The following CDH2 variants were observed in gnomAD, a reference collection of about 807,000 sequenced individuals.
CDH2 encodes the protein cadherin-2.
Under a neutral mutation model 92.0 loss-of-function variants are expected in CDH2, and 17 were observed. The observed-to-expected ratio is 0.18, with a 90% CI of 0.13 to 0.28. The LOEUF (loss-of-function observed/expected upper bound fraction) is 0.28, where lower values mean the gene tolerates loss of function less well. CDH2 is among the 10% of genes least tolerant of loss of function. CDH2 has a pLI of 1.00. For missense variants in CDH2, 862 were observed against 1,133.1 expected, an observed-to-expected ratio of 0.76 and a Z score of 3.44; for synonymous variants, 419 against 415.9, an observed-to-expected ratio of 1.01 and a Z score of -0.09.
chr18:27,960,834 T>C (rs576730427), intron 15 of CDH2, among the ~76,000 whole-genome samples: 38 of 152,250 alleles, frequency 2.5e-4, no homozygotes, highest in African/African-American at 8.7e-4. Context: ...AGACGGTTTT[T>C]CATATAAGTA....
At chr18:27,975,779 G>T (rs2011806787) in intron 14 of CDH2, among the ~76,000 whole-genome samples, 1 of 152,176 alleles carries the variant, frequency 6.6e-6, no homozygotes, top group Non-Finnish European at 1.5e-5. Flanking sequence ...TGGTACCCAA[G>T]AAGAATGAGG....
At position 27,992,833 on chromosome 18, in the gene CDH2, C is replaced by G. The variant is rs753115623; in HGVS notation, c.1166G>C (p.Gly389Ala). The change falls in exon 9 of 16, where the codon GGT becomes GCT. Residue 389 changes from glycine to alanine, a missense_variant. This residue lies in a region of CDH2 where 564 missense variants were observed against 722.2 expected (regional missense o/e 0.78). Coordinates refer to ENST00000269141, the MANE Select transcript of CDH2 (RefSeq NM_001792.5). ...PPEFTAMTFY[G>A]EVPENRVDII... ...GTCTACCCTGTTCTCAGGAACTTCA[C>G]CATAAAACTGCGAGAAAGACAAACC... 3.7e-6 allele frequency: 6 copies of G among 1,611,996 alleles called. No homozygotes were observed. The highest frequency in any genetic ancestry group is 1.3e-5 in the African/African-American group (1 of 74,864).
At chr18:28,096,888 T>TCC (rs1454433394) in intron 2 of CDH2, among the ~76,000 whole-genome samples, 3 of 152,240 alleles carry the variant, frequency 2.0e-5, no homozygotes, top group Non-Finnish European at 4.4e-5. Context: ...CTAAGCATGC[T>TCC]CCGTACTTGA....
Position 28,013,908 on chromosome 18 carries a change from C to A in CDH2, c.174G>T (p.Val58=). Residue 58 remains valine (V), a splice_region_variant and synonymous_variant, in exon 3 of 16, where the codon GTG becomes GTT. Transcript: ENST00000269141. ...DVHEGQPLLN[V]KFSNCNGKRK... ...TTTTTCCATTGCAGTTGCTAAACTT[C>A]ACTGTAAAAGATAAGAAATAGGTCA... 6.2e-7 allele frequency: 1 copy of A among 1,608,344 alleles called. No individual in the cohort carries two copies. Among genetic ancestry groups the A allele is most frequent in the Non-Finnish European group, 8.5e-7 (1 of 1,177,530 alleles).
At chr18:27,956,144 C>T (rs2011239882) in intron 15 of CDH2, among the ~76,000 whole-genome samples, 1 of 152,158 alleles carries the variant, frequency 6.6e-6, no homozygotes, top group Non-Finnish European at 1.5e-5. Flanking sequence ...CTGGTTCTCC[C>T]TTATGGGATT....
intron 1 of CDH2, 74 bp from the exon 2 acceptor site, chr18:28,147,858 G>C (rs1175106313): frequency 1.2e-6 from 1 of 816,740 alleles, no homozygotes; most frequent in African/African-American, 1.7e-5. Context: ...ATTCCACTTG[G>C]CATAAAGCCT....
intron 10 of CDH2, 75 bp downstream of exon 10, chr18:27,990,022 A>C (rs1214391751): frequency 5.6e-6 from 7 of 1,255,872 alleles, no homozygotes; most frequent in Admixed American, 4.6e-5. Flanking sequence ...CTACTCAAAT[A>C]GTGAATTAGA....
intron 2 of CDH2, among the ~76,000 whole-genome samples, chr18:28,072,314 C>T (rs574155122): frequency 6.6e-6 from 1 of 152,298 alleles, no homozygotes; most frequent in African/African-American, 2.4e-5. Context: ...CGCCATACCA[C>T]ATGCCTTCCA....
At chr18:28,057,310 T>C (rs1599067619) in intron 2 of CDH2, among the ~76,000 whole-genome samples, 1 of 152,200 alleles carries the variant, frequency 6.6e-6, no homozygotes, top group African/African-American at 2.4e-5. Flanking sequence ...AGGAAATGCT[T>C]TGGCAGACTT....
intron 2 of CDH2, among the ~76,000 whole-genome samples, chr18:28,051,411 T>C (rs1346045482): frequency 1.3e-5 from 2 of 152,166 alleles, no homozygotes; most frequent in African/African-American, 4.8e-5. Context: ...AGGATGGTGT[T>C]ATCTCTACAG....
At chr18:28,163,034 C>T (rs1483463561) in intron 1 of CDH2, among the ~76,000 whole-genome samples, 1 of 152,136 alleles carries the variant, frequency 6.6e-6, no homozygotes, top group South Asian at 2.1e-4. Context: ...GAATGAGAAA[C>T]ACACAGCAAG....
intron 14 of CDH2, among the ~76,000 whole-genome samples, chr18:27,965,150 A>T (rs2011503718): frequency 6.6e-6 from 1 of 152,218 alleles, no homozygotes; most frequent in Non-Finnish European, 1.5e-5. Flanking sequence ...CTAGTATATG[A>T]CTAAAATGAG....
At chr18:27,957,714 C>A (rs1234276366) in intron 15 of CDH2, among the ~76,000 whole-genome samples, 1 of 152,134 alleles carries the variant, frequency 6.6e-6, no homozygotes, top group Non-Finnish European at 1.5e-5. Flanking sequence ...GTTTTTCCTG[C>A]TCAGCATCCT....
intron 2 of CDH2, among the ~76,000 whole-genome samples, chr18:28,136,432 G>C (rs1252984185): frequency 2.0e-5 from 3 of 149,798 alleles, no homozygotes; most frequent in Non-Finnish European, 4.4e-5. Context: ...AATCTTCGTC[G>C]CAATTTGTCA....
chr18:28,058,762 C>T (rs906961195), intron 2 of CDH2, among the ~76,000 whole-genome samples: 1 of 152,024 alleles, frequency 6.6e-6, no homozygotes, highest in Non-Finnish European at 1.5e-5. Flanking sequence ...TCTTAGTGTT[C>T]TGTTTTATAG....
At chr18:28,133,694 T>C (rs1206680628) in intron 2 of CDH2, among the ~76,000 whole-genome samples, 1 of 152,140 alleles carries the variant, frequency 6.6e-6, no homozygotes, top group Admixed American at 6.5e-5. Context: ...TTTTTGTTGC[T>C]TTCTAGTGCT....
At position 27,985,119 on chromosome 18, in the gene CDH2, C is replaced by T. The variant is rs146657229; in HGVS notation, c.2090G>A (p.Arg697His). 3.2e-5 allele frequency: 51 copies of T among 1,613,614 alleles called. 1 individual carries two copies. The highest frequency in any genetic ancestry group is 2.8e-4 in the African/African-American group (21 of 74,850). Residue 697 changes from arginine to histidine, a missense_variant, in exon 13 of 16, where the codon CGT becomes CAT. By Grantham distance (29) the Arg-to-His change is conservative. Coordinates refer to ENST00000269141, the MANE Select transcript of CDH2 (RefSeq NM_001792.5). ...GGAGTCACACTGGCAAACCTTCACA[C>T]GCAGGATGGAAATATTTGATTTGGG... ...NPPKSNISIL[R>H]VKVCQCDSNG... is the part of the protein sequence containing the mutation.
At chr18:28,078,897 G>A (rs1184900878) in intron 2 of CDH2, among the ~76,000 whole-genome samples, 1 of 151,928 alleles carries the variant, frequency 6.6e-6, no homozygotes, top group African/African-American at 2.4e-5. Context: ...AACTTAGAAA[G>A]GGATTTTTCC....
chr18:28,038,774 G>A (rs1364137045), intron 2 of CDH2, among the ~76,000 whole-genome samples: 1 of 152,006 alleles, frequency 6.6e-6, no homozygotes, highest in African/African-American at 2.4e-5. Context: ...GAATTTATTA[G>A]TTTCTTTACT....
Sources: allele counts gnomAD v4.1 joint callset (sites outside exome capture counted in the v4.1 genomes callset), GRCh38; gene constraint gnomAD v4.1.1; regional missense constraint gnomAD v4.1.1; transcripts MANE v1.5; gene names NCBI Gene and HGNC (gene_info 2026-07-23, HGNC 2026-07-21).